FAM168B: variants seen among roughly 807,000 people sequenced by gnomAD.
The protein encoded by FAM168B is family with sequence similarity 168 member B.
FAM168B carries 19 observed loss-of-function variants against 21.8 expected under a neutral mutation model. The observed-to-expected ratio is 0.87, with a 90% CI of 0.61 to 1.28. The LOEUF is 1.28. Ranked by LOEUF, FAM168B falls within the 50% of genes most tolerant of loss-of-function variation. The pLI, the probability that FAM168B is intolerant of heterozygous loss-of-function variation, is 0.00. For missense variants in FAM168B, 233 were observed against 263.1 expected (o/e 0.89, Z 0.79); for synonymous variants, 126 against 104.8 (o/e 1.20, Z -1.24).
At chr2:131,058,841 A>T (rs1692157961) in intron 3 of FAM168B, among the ~76,000 whole-genome samples, 1 of 152,226 alleles carries the variant, frequency 6.6e-6, no homozygotes, top group African/African-American at 2.4e-5. Context: ...TGAAGCTTTA[A>T]ATCTGTACAC....
At chr2:131,070,940 A>T (rs1299905200) in intron 3 of FAM168B, among the ~76,000 whole-genome samples, 1 of 152,212 alleles carries the variant, frequency 6.6e-6, no homozygotes, top group African/African-American at 2.4e-5. Flanking sequence ...AATGGGAAGA[A>T]CACTAACCCG....
intron 1 of FAM168B, among the ~76,000 whole-genome samples, chr2:131,083,874 GTATTTATTTATTTATTTATTTATT>G (rs10550552): frequency 2.2e-4 from 32 of 148,032 alleles, no homozygotes; most frequent in African/African-American, 7.0e-4. Flanking sequence ...GCAATTTCCT[GTATTTATTTATTTATTTATTTATT>G]TATTTATTTA....
chr2:131,058,449 G>C (rs1366039609), intron 3 of FAM168B, among the ~76,000 whole-genome samples: 2 of 152,130 alleles, frequency 1.3e-5, no homozygotes, highest in African/African-American at 4.8e-5. Flanking sequence ...CAAAGCGGGT[G>C]CTCACACCCA....
rs766588744 is a variant in FAM168B at position 131,082,582 on chromosome 2, T to C, written c.65A>G (p.Tyr22Cys). 1.2e-6 allele frequency: 2 copies of C among 1,604,518 alleles called. No individual in the cohort carries two copies. ...ACAAAATTTTACTTACTTACCTGGA[T>C]AACCAATTCCTTTGGCATTTGCATA... ...VPYANAKGIG[Y>C]PAGFPMGYAA... The change falls in exon 2 of 7, where the codon TAT becomes TGT. Residue 22 changes from tyrosine (Y) to cysteine (C), a missense_variant. By Grantham distance (194) the Tyr-to-Cys change is radical. Transcript: ENST00000389915.
intron 3 of FAM168B, among the ~76,000 whole-genome samples, chr2:131,056,420 C>T (rs1692022412): frequency 6.6e-6 from 1 of 152,134 alleles, no homozygotes; most frequent in African/African-American, 2.4e-5. Context: ...AGGCACTCAG[C>T]CAGCAGCGAG....
chr2:131,071,818 G>C, intron 3 of FAM168B, 37 bp downstream of exon 3: 1 of 1,569,896 alleles, frequency 6.4e-7, no homozygotes, highest in Non-Finnish European at 8.8e-7. Context: ...TTCTCTCCCA[G>C]CTGTACGTAC....
intron 3 of FAM168B, among the ~76,000 whole-genome samples, chr2:131,068,909 G>C (rs549643747): frequency 5.3e-5 from 8 of 152,132 alleles, no homozygotes; most frequent in Non-Finnish European, 8.8e-5. Flanking sequence ...CCAGCTACTC[G>C]GGAGGCTGAG....
At chr2:131,070,106 C>T (rs982277554) in intron 3 of FAM168B, among the ~76,000 whole-genome samples, 3 of 152,058 alleles carry the variant, frequency 2.0e-5, no homozygotes, top group African/African-American at 4.8e-5. Flanking sequence ...ATCCACCCGC[C>T]TCAGCCTCCC....
In FAM168B at chr2:131,085,036, C is replaced by T. The variant is rs536395613; in HGVS notation, c.-11-2379G>A. 1.2e-4 allele frequency among the ~76,000 whole-genome samples: 19 copies of T among 152,148 alleles called. No homozygotes were observed. In the South Asian group the frequency reaches 1.9e-3, roughly 15 times the overall value. ...CCTCATCTGGTAAATCACTCACTGA[C>T]GTATGTGGTTATAAAGATTAAGGTG... On this transcript the variant is annotated intron_variant, in intron 1 of 6. Coordinates refer to ENST00000389915, the MANE Select transcript of FAM168B (RefSeq NM_001009993.4).
In FAM168B at chr2:131,082,340, AG is replaced by A. The variant is rs377684921; in HGVS notation, c.70+236del. On this transcript the variant is annotated intron_variant, in intron 2 of 6. Transcript: ENST00000389915. ...TGTGACCAACACTAAGTTAATACTGAGGAAGCGAAGCTGAGACCAGGAGGTA... is the reference window on the plus strand; with the variant it reads ...TGTGACCAACACTAAGTTAATACTGAGAAGCGAAGCTGAGACCAGGAGGTA... Among the ~76,000 whole-genome samples, 803 of 152,326 alleles carry A rather than the reference AG, an allele frequency of 5.3e-3. 4 individuals are homozygous for A. The highest frequency in any genetic ancestry group is 0.021 in the South Asian group (99 of 4,828).
intron 5 of FAM168B, among the ~76,000 whole-genome samples, chr2:131,053,596 G>A (rs1420135168): frequency 1.3e-5 from 2 of 152,214 alleles, no homozygotes; most frequent in African/African-American, 4.8e-5. Context: ...GTTAAGATGG[G>A]CTGGGCACAG....
At chr2:131,065,015 AACAGGATCGCCGCACAGAAGAC>A (rs1426174762) in intron 3 of FAM168B, among the ~76,000 whole-genome samples, 1 of 152,238 alleles carries the variant, frequency 6.6e-6, no homozygotes, top group African/African-American at 2.4e-5. Context: ...GGCACAGGAC[AACAGGATCGCCGCACAGAAGAC>A]ACAGCCGTGA....
intron 3 of FAM168B, among the ~76,000 whole-genome samples, chr2:131,067,176 T>C (rs1432581690): frequency 6.6e-6 from 1 of 152,128 alleles, no homozygotes; most frequent in African/African-American, 2.4e-5. Context: ...AGCCAAACCA[T>C]ATCACCACCA....
intron 1 of FAM168B, among the ~76,000 whole-genome samples, chr2:131,085,541 A>G (rs1693649151): frequency 6.6e-6 from 1 of 152,224 alleles, no homozygotes; most frequent in Non-Finnish European, 1.5e-5. Flanking sequence ...AAAAGAAACC[A>G]CTTCAAATTT....
chr2:131,088,732 G>A (rs1234986888), intron 1 of FAM168B, among the ~76,000 whole-genome samples: 3 of 152,140 alleles, frequency 2.0e-5, no homozygotes, highest in African/African-American at 4.8e-5. Context: ...TCTACATCAA[G>A]TAGAAATTAT....
chr2:131,052,969 C>A lies in FAM168B; in HGVS notation c.522G>T (p.Pro174=), dbSNP rs1466389277. ...GGGCCCGGTACGTGGGCACAGTGACCGGGTGGGGGGCGACAGGAGTTGGGG... is the reference window on the plus strand; with the variant it reads ...GGGCCCGGTACGTGGGCACAGTGACAGGGTGGGGGGCGACAGGAGTTGGGG... ...AHSPTPVAPH[P]VTVPTYRAPG... is the part of the protein sequence containing the mutation. The change falls in exon 6 of 7, where the codon CCG becomes CCT. Residue 174 remains proline (P), a synonymous_variant. Coordinates refer to ENST00000389915, the MANE Select transcript of FAM168B (RefSeq NM_001009993.4). 2 of 1,560,502 alleles carry A rather than the reference C, an allele frequency of 1.3e-6. No individual in the cohort carries two copies. The highest frequency in any genetic ancestry group is 3.3e-4 in the Middle Eastern group (2 of 5,978).
intron 3 of FAM168B, among the ~76,000 whole-genome samples, chr2:131,068,123 A>T (rs973758139): frequency 3.2e-4 from 48 of 152,206 alleles, no homozygotes; most frequent in Admixed American, 4.6e-4. Context: ...CTCAGGTTAG[A>T]TGGACAACAG....
At chr2:131,055,782 T>A (rs1289423485) in intron 3 of FAM168B, 87 bp from the exon 4 acceptor site, 4 of 1,512,380 alleles carry the variant, frequency 2.6e-6, no homozygotes, top group African/African-American at 1.4e-5. Flanking sequence ...CTAAGCTGCG[T>A]GTCAGCCCCA....
intron 3 of FAM168B, among the ~76,000 whole-genome samples, chr2:131,059,759 T>C (rs1296956649): frequency 6.6e-6 from 1 of 152,176 alleles, no homozygotes; most frequent in Non-Finnish European, 1.5e-5. Flanking sequence ...TAACTGGAAA[T>C]ATGAACACTG....
Sources: gnomAD v4.1 joint callset for allele counts (sites outside exome capture counted in the v4.1 genomes callset) on GRCh38, gnomAD v4.1.1 for gene constraint, MANE v1.5 for transcripts, NCBI Gene and HGNC (gene_info 2026-07-23, HGNC 2026-07-21) for gene names.